SCFD2: variants seen among roughly 807,000 people sequenced by gnomAD.
SCFD2 encodes sec1 family domain-containing protein 2.
Under a neutral mutation model 58.9 loss-of-function variants are expected in SCFD2, and 54 were observed. That is an observed-to-expected ratio of 0.92 (90% confidence interval 0.74 to 1.15). The LOEUF is 1.15. Ranked by LOEUF, SCFD2 falls within the 50% of genes most tolerant of loss-of-function variation. The probability of loss-of-function intolerance (pLI) is 0.00; values close to 1 mark genes in which losing one functional copy is unlikely to be tolerated. For missense variants in SCFD2, 805 were observed against 836.6 expected, an observed-to-expected ratio of 0.96 and a Z score of 0.47; for synonymous variants, 321 against 335.9, an observed-to-expected ratio of 0.96 and a Z score of 0.49.
At chr4:53,174,231 C>T (rs915306601) in intron 4 of SCFD2, among the ~76,000 whole-genome samples, 2 of 150,724 alleles carry the variant, frequency 1.3e-5, no homozygotes, top group Non-Finnish European at 3.0e-5. Flanking sequence ...ATTAGAATTG[C>T]TAAATTAAAA....
At chr4:53,007,115 TA>T (rs911614412) in intron 5 of SCFD2, among the ~76,000 whole-genome samples, 10 of 150,354 alleles carry the variant, frequency 6.7e-5, no homozygotes, top group Non-Finnish European at 1.3e-4. Context: ...ACCCTGTCTC[TA>T]AAAAAAAATT....
At chr4:53,293,168 C>T (rs1306842140) in intron 3 of SCFD2, among the ~76,000 whole-genome samples, 1 of 151,972 alleles carries the variant, frequency 6.6e-6, no homozygotes, top group African/African-American at 2.4e-5. Flanking sequence ...ATGGATGGAG[C>T]TGGAAGACAT....
intron 5 of SCFD2, among the ~76,000 whole-genome samples, chr4:52,982,947 T>C (rs905155832): frequency 6.6e-6 from 1 of 152,186 alleles, no homozygotes; most frequent in African/African-American, 2.4e-5. Flanking sequence ...TCCATTCTCA[T>C]GGATTTCCAG....
chr4:52,924,229 C>G (rs1482862283), intron 5 of SCFD2, among the ~76,000 whole-genome samples: 1 of 152,036 alleles, frequency 6.6e-6, no homozygotes, highest in Non-Finnish European at 1.5e-5. Flanking sequence ...GAATCATCTA[C>G]TAGATTATAC....
intron 4 of SCFD2, among the ~76,000 whole-genome samples, chr4:53,227,603 C>G (rs771759715): frequency 6.6e-6 from 1 of 152,124 alleles, no homozygotes; most frequent in African/African-American, 2.4e-5. Context: ...AGCAGAATAC[C>G]TTCACCTTTG....
chr4:52,920,873 GA>G lies in SCFD2; in HGVS notation c.1562-4del. The G allele has an allele frequency of 6.3e-7, 1 of 1,584,916 alleles. No individual in the cohort carries two copies. The highest frequency in any genetic ancestry group is 1.4e-5 in the African/African-American group (1 of 73,172). On this transcript the variant is annotated splice_polypyrimidine_tract_variant and splice_region_variant and intron_variant, in intron 5 of 8. Transcript: ENST00000401642. ...CAGATTAATTGAAGAGTCCCAGTCT[GA>G]AAAAATCCAGAGATATTTTCTTGAG...
chr4:52,892,631 C>T (rs1460021725), intron 7 of SCFD2, among the ~76,000 whole-genome samples: 1 of 152,162 alleles, frequency 6.6e-6, no homozygotes, highest in Non-Finnish European at 1.5e-5. Flanking sequence ...AAATCCAACT[C>T]CCCTGGGAAG....
At chr4:52,893,500 C>T (rs774571653) in intron 7 of SCFD2, among the ~76,000 whole-genome samples, 1 of 152,208 alleles carries the variant, frequency 6.6e-6, no homozygotes, top group African/African-American at 2.4e-5. Flanking sequence ...TCCAAAGCAT[C>T]CTTTACCCCT....
At chr4:52,992,897 C>G (rs999676349) in intron 5 of SCFD2, among the ~76,000 whole-genome samples, 3 of 152,204 alleles carry the variant, frequency 2.0e-5, no homozygotes, top group Non-Finnish European at 2.9e-5. Flanking sequence ...GGGAGGTGTA[C>G]CCAACAGCTC....
chr4:53,021,242 G>C (rs1260365128), intron 5 of SCFD2, among the ~76,000 whole-genome samples: 1 of 152,108 alleles, frequency 6.6e-6, no homozygotes, highest in African/African-American at 2.4e-5. Flanking sequence ...TACATGTCCT[G>C]TGAGTTTCAA....
At chr4:53,308,012 G>A (rs1732569801) in intron 3 of SCFD2, among the ~76,000 whole-genome samples, 1 of 152,162 alleles carries the variant, frequency 6.6e-6, no homozygotes, top group South Asian at 2.1e-4. Flanking sequence ...GCTGAAGTGT[G>A]GTCTGAAAGT....
At position 53,253,388 on chromosome 4, in the gene SCFD2, G is replaced by GCT. The variant is rs1730472473; in HGVS notation, c.1311+20437_1311+20438insAG. 5.3e-5 allele frequency among the ~76,000 whole-genome samples: 8 copies of GCT among 151,864 alleles called. No individual in the cohort carries two copies. The South Asian group carries it at 1.7e-3, about 32-fold the overall frequency. ...ATTTGACCCAGCCATCCCATTACTG[G>GCT]GTATATACCCAAAGGACTATAAATC... On this transcript the variant is annotated intron_variant, in intron 4 of 8. Coordinates refer to ENST00000401642, the MANE Select transcript of SCFD2 (RefSeq NM_152540.4).
chr4:53,104,635 G>C (rs1724934259), intron 5 of SCFD2, among the ~76,000 whole-genome samples: 1 of 152,092 alleles, frequency 6.6e-6, no homozygotes, highest in African/African-American at 2.4e-5. Flanking sequence ...AGAAAAACTG[G>C]ATACAGGTTA....
intron 4 of SCFD2, among the ~76,000 whole-genome samples, chr4:53,194,725 C>T (rs956596620): frequency 3.9e-5 from 6 of 152,262 alleles, no homozygotes; most frequent in African/African-American, 1.4e-4. Flanking sequence ...TCCTTCTCTA[C>T]AGAGTATCAG....
intron 4 of SCFD2, among the ~76,000 whole-genome samples, chr4:53,237,243 C>T (rs1036395208): frequency 1.3e-5 from 2 of 149,678 alleles, no homozygotes; most frequent in African/African-American, 4.9e-5. Flanking sequence ...CTACTTCTTT[C>T]TACACAGACA....
At chr4:53,003,122 A>G (rs1287675254) in intron 5 of SCFD2, among the ~76,000 whole-genome samples, 7 of 152,298 alleles carry the variant, frequency 4.6e-5, no homozygotes, top group Admixed American at 3.3e-4. Context: ...ACAATTCAAC[A>G]TGAGGTTTGG....
chr4:53,323,950 G>A (rs1346784176), intron 2 of SCFD2, among the ~76,000 whole-genome samples: 3 of 152,030 alleles, frequency 2.0e-5, no homozygotes, highest in Non-Finnish European at 4.4e-5. Flanking sequence ...TAATAAAGGA[G>A]ACAGGAATTC....
intron 5 of SCFD2, among the ~76,000 whole-genome samples, chr4:53,060,410 A>T (rs2148839630): frequency 6.6e-6 from 1 of 152,274 alleles, no homozygotes; most frequent in Admixed American, 6.5e-5. Context: ...ATTGAAACAG[A>T]AATGTCCTCA....
chr4:53,201,367 T>C (rs1248854268), intron 4 of SCFD2, among the ~76,000 whole-genome samples: 1 of 152,238 alleles, frequency 6.6e-6, no homozygotes, highest in African/African-American at 2.4e-5. Context: ...TCCTTTTTTA[T>C]GGCTCCATAG....
Sources: allele counts gnomAD v4.1 joint callset (sites outside exome capture counted in the v4.1 genomes callset), GRCh38; gene constraint gnomAD v4.1.1; transcripts MANE v1.5; gene names NCBI Gene and HGNC (gene_info 2026-07-23, HGNC 2026-07-21).